The following TAFA2 variants were observed in gnomAD, a reference collection of about 807,000 sequenced individuals.
TAFA2 encodes chemokine-like protein TAFA-2.
In TAFA2, 7 loss-of-function variants were observed where a neutral mutation model predicts 18.8. That is an observed-to-expected ratio of 0.37 (90% confidence interval 0.21 to 0.70). The LOEUF is 0.70. Ranked by LOEUF, TAFA2 falls within the 30% of genes least tolerant of loss-of-function variation. The probability of loss-of-function intolerance (pLI) is 0.53; values close to 1 mark genes in which losing one functional copy is unlikely to be tolerated. For synonymous variants in TAFA2, 60 were observed against 54.2 expected (o/e 1.11, Z -0.47); for missense variants, 122 against 158.1 (o/e 0.77, Z 1.23).
At chr12:62,186,051 C>A (rs2062583630) in intron 1 of TAFA2, among the ~76,000 whole-genome samples, 1 of 152,158 alleles carries the variant, frequency 6.6e-6, no homozygotes, top group African/African-American at 2.4e-5. Flanking sequence ...ACAAATGCAC[C>A]TTTACAAAAA....
chr12:62,183,175 T>C (rs2062562794), intron 1 of TAFA2, among the ~76,000 whole-genome samples: 2 of 152,162 alleles, frequency 1.3e-5, no homozygotes. Context: ...TATTGTCTTA[T>C]AAGAAGAGAC....
chr12:62,171,950 C>T (rs192827802), intron 1 of TAFA2, among the ~76,000 whole-genome samples: 29 of 152,144 alleles, frequency 1.9e-4, no homozygotes, highest in Non-Finnish European at 3.5e-4. Flanking sequence ...AAGAAACTGG[C>T]CAGAAGCCCA....
intron 1 of TAFA2, among the ~76,000 whole-genome samples, chr12:61,925,631 C>A (rs760451931): frequency 9.2e-5 from 14 of 152,152 alleles, no homozygotes; most frequent in Admixed American, 2.6e-4. Context: ...ATTTATAGCA[C>A]TAAGTGCCCA....
At chr12:62,244,667 T>C (rs1022903020) in intron 1 of TAFA2, among the ~76,000 whole-genome samples, 2 of 152,174 alleles carry the variant, frequency 1.3e-5, no homozygotes, top group East Asian at 1.9e-4. Flanking sequence ...CCAAAGTAGT[T>C]TTTTTCTATT....
intron 2 of TAFA2, among the ~76,000 whole-genome samples, chr12:61,813,682 G>A (rs1421125101): frequency 6.6e-6 from 1 of 151,396 alleles, no homozygotes; most frequent in Non-Finnish European, 1.5e-5. Context: ...TTTACTGGCT[G>A]AAACTACTAG....
intron 4 of TAFA2, among the ~76,000 whole-genome samples, chr12:61,739,005 A>G (rs1214256954): frequency 2.6e-5 from 4 of 152,088 alleles, no homozygotes; most frequent in Non-Finnish European, 4.4e-5. Flanking sequence ...TAACAAGCAC[A>G]TATAGCCCTT....
intron 1 of TAFA2, among the ~76,000 whole-genome samples, chr12:62,017,049 A>G (rs1357916970): frequency 6.6e-6 from 1 of 152,202 alleles, no homozygotes; most frequent in Non-Finnish European, 1.5e-5. Context: ...ACCATGCACC[A>G]GGAAGTTTGG....
chr12:62,199,456 G>A (rs1026012902), intron 1 of TAFA2, among the ~76,000 whole-genome samples: 8 of 152,044 alleles, frequency 5.3e-5, no homozygotes, highest in Non-Finnish European at 7.4e-5. Flanking sequence ...GAGAACATGC[G>A]GTGTTTGGTG....
At chr12:61,885,582 C>T (rs1469103439) in intron 1 of TAFA2, among the ~76,000 whole-genome samples, 1 of 152,168 alleles carries the variant, frequency 6.6e-6, no homozygotes, top group Non-Finnish European at 1.5e-5. Flanking sequence ...CATGTGTCCT[C>T]CACCTCAGTT....
rs965126743 is a variant in TAFA2 at position 62,163,257 on chromosome 12, C to A, written c.-2+28002G>T. Among the ~76,000 whole-genome samples the A allele has an allele frequency of 3.0e-4, 46 of 152,116 alleles. 1 individual carries two copies. The highest frequency in any genetic ancestry group is 1.1e-3 in the African/African-American group (46 of 41,432). The stretch of plus-strand genomic sequence containing the variant: ...TATGTTCAGTACCAGGCTCCCTTTA[C>A]AATTCTGCAAAAATGAGCCTCAGTT... On this transcript the variant is annotated intron_variant, in intron 1 of 4. Transcript: ENST00000416284.
At chr12:62,118,949 AAT>A (rs1243559622) in intron 1 of TAFA2, among the ~76,000 whole-genome samples, 1 of 152,256 alleles carries the variant, frequency 6.6e-6, no homozygotes, top group East Asian at 1.9e-4. Context: ...AATATAGCAA[AAT>A]ATATGTCTTT....
chr12:62,169,145 A>C (rs2062460131), intron 1 of TAFA2, among the ~76,000 whole-genome samples: 1 of 152,224 alleles, frequency 6.6e-6, no homozygotes, highest in Non-Finnish European at 1.5e-5. Context: ...TGAAATATTT[A>C]CAAAATAAAT....
intron 1 of TAFA2, among the ~76,000 whole-genome samples, chr12:62,152,227 C>A (rs772093438): frequency 4.6e-5 from 7 of 152,130 alleles, no homozygotes; most frequent in Non-Finnish European, 8.8e-5. Flanking sequence ...GTTTTGTATG[C>A]ACAGTGAACA....
At chr12:61,758,899 G>C (rs766677539) in intron 2 of TAFA2, among the ~76,000 whole-genome samples, 11 of 151,954 alleles carry the variant, frequency 7.2e-5, no homozygotes, top group Non-Finnish European at 1.5e-4. Flanking sequence ...AAGATGATTA[G>C]GGCTTCTTCA....
intron 1 of TAFA2, among the ~76,000 whole-genome samples, chr12:62,017,536 T>C (rs1348814028): frequency 6.6e-6 from 1 of 152,186 alleles, no homozygotes; most frequent in East Asian, 1.9e-4. Context: ...ATATTCTATC[T>C]TAAAATTAAC....
intron 4 of TAFA2, among the ~76,000 whole-genome samples, chr12:61,744,432 A>G (rs1266570450): frequency 6.6e-6 from 1 of 152,122 alleles, no homozygotes; most frequent in African/African-American, 2.4e-5. Flanking sequence ...ATAGAGCCGG[A>G]TGATATATTT....
At chr12:62,222,494 ATAT>A (rs925490868) in intron 1 of TAFA2, among the ~76,000 whole-genome samples, 1 of 151,802 alleles carries the variant, frequency 6.6e-6, no homozygotes, top group South Asian at 2.1e-4. Context: ...ATATTCAAGG[ATAT>A]TATTTATTAT....
At chr12:62,023,711 C>T in intron 1 of TAFA2, 1 of 151,702 alleles carries the variant, frequency 6.6e-6, no homozygotes, top group African/African-American at 2.4e-5. Flanking sequence ...TAGTTCTTTA[C>T]TTTTTCAATT....
At chr12:62,050,019 C>T (rs560111305) in intron 1 of TAFA2, among the ~76,000 whole-genome samples, 1 of 152,258 alleles carries the variant, frequency 6.6e-6, no homozygotes, top group South Asian at 2.1e-4. Context: ...AGCGTAAATC[C>T]AGACTAATGC....
Sources: gnomAD v4.1 joint callset for allele counts (sites outside exome capture counted in the v4.1 genomes callset) on GRCh38, gnomAD v4.1.1 for gene constraint, MANE v1.5 for transcripts, NCBI Gene and HGNC (gene_info 2026-07-23, HGNC 2026-07-21) for gene names.